The following ANKS1B variants were observed in gnomAD, a reference collection of about 807,000 sequenced individuals.
The protein encoded by ANKS1B is ankyrin repeat and sterile alpha motif domain-containing protein 1B.
A neutral mutation model predicts 148.3 loss-of-function variants in ANKS1B; 36 were observed. That is an observed-to-expected ratio of 0.24 (90% CI 0.19 to 0.32). The LOEUF is 0.32. ANKS1B is among the 10% of genes least tolerant of loss of function. The pLI, the probability that ANKS1B is intolerant of heterozygous loss-of-function variation, is 1.00. For synonymous variants in ANKS1B, 542 were observed against 560.8 expected, an observed-to-expected ratio of 0.97 and a Z score of 0.47; for missense variants, 1,157 against 1,542.6, an observed-to-expected ratio of 0.75 and a Z score of 4.19.
chr12:99,712,171 A>G (rs982586544), intron 8 of ANKS1B, among the ~76,000 whole-genome samples: 1 of 152,190 alleles, frequency 6.6e-6, no homozygotes, highest in Admixed American at 6.5e-5. Flanking sequence ...ACAGAGGGGA[A>G]CAACATATTA....
At chr12:99,359,853 G>A (rs1428542207) in intron 12 of ANKS1B, among the ~76,000 whole-genome samples, 1 of 151,848 alleles carries the variant, frequency 6.6e-6, no homozygotes, top group Admixed American at 6.6e-5. Context: ...TATATATCCT[G>A]ATAGTAATAT....
At chr12:99,497,347 G>A (rs1205583712) in intron 10 of ANKS1B, among the ~76,000 whole-genome samples, 1 of 152,192 alleles carries the variant, frequency 6.6e-6, no homozygotes, top group Non-Finnish European at 1.5e-5. Context: ...GTAGTTGGTT[G>A]AATCCATGGA....
chr12:99,320,949 T>C lies in ANKS1B; in HGVS notation c.1757-74085A>G, dbSNP rs532840281. Among the ~76,000 whole-genome samples, 8 of 152,316 alleles carry C rather than the reference T, an allele frequency of 5.3e-5. No individual in the cohort carries two copies. The East Asian group carries it at 7.7e-4, about 15-fold the overall frequency. On this transcript the variant is annotated intron_variant, in intron 12 of 26. Coordinates refer to ENST00000683438, the MANE Select transcript of ANKS1B (RefSeq NM_001352186.2). ...TGACCCTGGAAATGCTGCAGGTCTG[T>C]TGGAGTTTGCTGGAGGTCCACTCCA...
intron 17 of ANKS1B, among the ~76,000 whole-genome samples, chr12:98,839,299 C>T (rs950700616): frequency 2.6e-5 from 4 of 152,180 alleles, no homozygotes; most frequent in Non-Finnish European, 5.9e-5. Flanking sequence ...TCCTCCAGGG[C>T]TCTCAATCCA....
chr12:99,782,358 G>C (rs185838276), intron 4 of ANKS1B, among the ~76,000 whole-genome samples: 1 of 152,110 alleles, frequency 6.6e-6, no homozygotes, highest in Non-Finnish European at 1.5e-5. Context: ...TCAGGAGTTC[G>C]AGACCAGCCT....
intron 17 of ANKS1B, among the ~76,000 whole-genome samples, chr12:98,974,277 T>C (rs1236943708): frequency 3.9e-5 from 6 of 152,116 alleles, no homozygotes; most frequent in Admixed American, 3.9e-4. Flanking sequence ...AGAACATGAG[T>C]CTTACAGCTC....
intron 12 of ANKS1B, among the ~76,000 whole-genome samples, chr12:99,372,972 A>C (rs1411126189): frequency 6.6e-6 from 1 of 152,154 alleles, no homozygotes; most frequent in East Asian, 1.9e-4. Flanking sequence ...TTATGATTAA[A>C]ACAGCAAGGG....
intron 12 of ANKS1B, among the ~76,000 whole-genome samples, chr12:99,391,290 C>A (rs1387930444): frequency 6.6e-6 from 1 of 152,160 alleles, no homozygotes; most frequent in South Asian, 2.1e-4. Flanking sequence ...CTTCTCATTG[C>A]TCTTAGGATA....
intron 20 of ANKS1B, among the ~76,000 whole-genome samples, chr12:98,804,438 T>C (rs1055796472): frequency 6.6e-6 from 1 of 151,020 alleles, no homozygotes; most frequent in Admixed American, 6.6e-5. Flanking sequence ...TTTTTTAAAC[T>C]TAGATCTAAA....
chr12:99,630,148 T>A (rs1234778018), intron 9 of ANKS1B, among the ~76,000 whole-genome samples: 1 of 152,042 alleles, frequency 6.6e-6, no homozygotes. Context: ...GAGAAAAATA[T>A]AGAAATATGA....
chr12:98,924,993 A>C (rs982439692), intron 17 of ANKS1B, among the ~76,000 whole-genome samples: 2 of 152,144 alleles, frequency 1.3e-5, no homozygotes, highest in African/African-American at 2.4e-5. Context: ...ATAAGGAGAC[A>C]AAAAAAGATT....
intron 15 of ANKS1B, among the ~76,000 whole-genome samples, chr12:99,143,579 G>T (rs2071798911): frequency 6.6e-6 from 1 of 152,058 alleles, no homozygotes; most frequent in South Asian, 2.1e-4. Context: ...AAACTAAACT[G>T]AAAGATAGAT....
At chr12:98,911,306 G>C (rs141759680) in intron 17 of ANKS1B, among the ~76,000 whole-genome samples, 1 of 152,100 alleles carries the variant, frequency 6.6e-6, no homozygotes, top group Non-Finnish European at 1.5e-5. Flanking sequence ...GCTAATTCCA[G>C]AGTCTTCAGG....
At chr12:99,789,270 T>A (rs1047204122) in intron 4 of ANKS1B, among the ~76,000 whole-genome samples, 1 of 152,174 alleles carries the variant, frequency 6.6e-6, no homozygotes, top group Non-Finnish European at 1.5e-5. Context: ...GCAATACCTC[T>A]ATGAGTCTGC....
chr12:99,482,955 C>T (rs989531536), intron 10 of ANKS1B, among the ~76,000 whole-genome samples: 1 of 151,422 alleles, frequency 6.6e-6, no homozygotes, highest in African/African-American at 2.4e-5. Context: ...CTGCAAACAG[C>T]AATAGTTTGA....
intron 2 of ANKS1B, among the ~76,000 whole-genome samples, chr12:99,813,362 C>T (rs564213945): frequency 8.6e-5 from 13 of 151,268 alleles, no homozygotes; most frequent in Admixed American, 1.3e-4. Flanking sequence ...AAATGAAATG[C>T]TAGTCAGACA....
intron 17 of ANKS1B, among the ~76,000 whole-genome samples, chr12:98,874,866 T>C (rs982547677): frequency 3.3e-5 from 5 of 152,112 alleles, no homozygotes; most frequent in African/African-American, 9.7e-5. Flanking sequence ...AAATAAGAGA[T>C]CTTAATAACT....
chr12:99,317,668 C>G (rs1048809517), intron 12 of ANKS1B, among the ~76,000 whole-genome samples: 1 of 152,164 alleles, frequency 6.6e-6, no homozygotes, highest in Non-Finnish European at 1.5e-5. Context: ...TTTCTCCTGC[C>G]TGATTTGCCC....
At chr12:99,830,666 T>C (rs1394890616) in intron 1 of ANKS1B, among the ~76,000 whole-genome samples, 2 of 150,884 alleles carry the variant, frequency 1.3e-5, no homozygotes, top group African/African-American at 2.4e-5. Context: ...GAAAACATCA[T>C]TCAATAAATA....
Sources: allele counts gnomAD v4.1 joint callset (sites outside exome capture counted in the v4.1 genomes callset), GRCh38; gene constraint gnomAD v4.1.1; transcripts MANE v1.5; gene names NCBI Gene and HGNC (gene_info 2026-07-23, HGNC 2026-07-21).